Variants in C6orf132 observed in about 807,000 individuals in gnomAD.
The protein encoded by C6orf132 is chromosome 6 open reading frame 132.
Under a neutral mutation model 65.3 loss-of-function variants are expected in C6orf132, and 43 were observed. That is an observed-to-expected ratio of 0.66 (90% CI 0.52 to 0.85). The LOEUF (loss-of-function observed/expected upper bound fraction) is 0.85. C6orf132 is among the 40% of genes least tolerant of loss of function. The probability of loss-of-function intolerance (pLI) is 0.00; values close to 1 mark genes in which losing one functional copy is unlikely to be tolerated. For missense variants in C6orf132, 1,488 were observed against 1,548.8 expected (o/e 0.96, Z 0.66); for synonymous variants, 631 against 654.1 (o/e 0.96, Z 0.54).
chr6:42,119,614 TGAG>T (rs1291994021), intron 2 of C6orf132, among the ~76,000 whole-genome samples: 1 of 151,814 alleles, frequency 6.6e-6, no homozygotes, highest in Admixed American at 6.5e-5. Context: ...CCCAAAGTGC[TGAG>T]ATTACAGGCG....
In C6orf132 at chr6:42,136,869, C is replaced by T. The variant is rs150224402; in HGVS notation, c.145+5431G>A. Among the ~76,000 whole-genome samples, 644 of 152,040 alleles carry T rather than the reference C, an allele frequency of 4.2e-3. 8 individuals are homozygous for T. Among genetic ancestry groups the T allele is most frequent in the African/African-American group, 0.015 (623 of 41,514 alleles). On this transcript the variant is annotated intron_variant, in intron 1 of 4. Coordinates refer to ENST00000341865, the MANE Select transcript of C6orf132 (RefSeq NM_001164446.3). ...AAAGTAGAGGAGGACGGAACAGAAA[C>T]GGAACAGAATGGCGCCGCCCCCCCA...
At chr6:42,142,218 C>A (rs1767046265) in intron 1 of C6orf132, 82 bp downstream of exon 1, 1 of 1,442,698 alleles carries the variant, frequency 6.9e-7, no homozygotes, top group South Asian at 1.3e-5. Context: ...CTCCCCTCCG[C>A]GCCTCCAGGA....
chr6:42,119,066 C>CAA (rs1160587167), intron 2 of C6orf132, among the ~76,000 whole-genome samples: 22 of 54,768 alleles, frequency 4.0e-4, no homozygotes, highest in East Asian at 6.0e-4. Context: ...CCTGTCTCTA[C>CAA]AAAAAAAAAA....
rs1302320212 is a variant in C6orf132, at chr6:42,104,392, C to T, written c.3449+71G>A. 2.0e-5 allele frequency: 25 copies of T among 1,226,814 alleles called. No homozygotes were observed. Among genetic ancestry groups the T allele is most frequent in the Non-Finnish European group, 2.5e-5 (25 of 985,200 alleles). 76.0% of individuals were successfully genotyped at this position (1,226,814 alleles called of 1,614,324 possible). On this transcript the variant is annotated intron_variant, in intron 4 of 4. Transcript: ENST00000341865. The surrounding 1 kb of genome is among the most constrained non-coding windows in gnomAD (Gnocchi z 4.1). ...CAAATGTTTTCTCTTGACGGATGGC[C>T]GGGACTCCTTGGCCCTCGCCTGGCT...
intron 2 of C6orf132, among the ~76,000 whole-genome samples, chr6:42,115,633 G>C (rs934950776): frequency 2.6e-5 from 4 of 152,084 alleles, no homozygotes; most frequent in Admixed American, 6.5e-5. Flanking sequence ...GCGACAGAGC[G>C]AGACTCCGTC....
intron 2 of C6orf132, among the ~76,000 whole-genome samples, chr6:42,111,473 G>A (rs1003705732): frequency 1.6e-4 from 25 of 151,988 alleles, no homozygotes; most frequent in African/African-American, 4.8e-4. Flanking sequence ...TAGTAGAGAC[G>A]GGGTTTCACC....
Position 42,103,777 on chromosome 6 carries a change from C to A in C6orf132, c.3551G>T (p.Arg1184Leu), listed in dbSNP as rs1002239130. 2 of 1,426,184 alleles carry A rather than the reference C, an allele frequency of 1.4e-6. No homozygotes were observed. Among genetic ancestry groups the A allele is most frequent in the Admixed American group, 2.8e-5 (1 of 36,144 alleles). The allele number at this position is 1,426,184 out of a possible 1,614,324, so 88.3% of individuals were successfully genotyped here. The change falls in exon 5 of 5, where the codon CGG (arginine) becomes CTG (leucine). Residue 1184 changes from arginine (R) to leucine (L), a missense_variant. By Grantham distance (102) the Arg-to-Leu change is moderately radical. Transcript: ENST00000341865. ...PISYVCSGAH[R>L]KATS Reference sequence around the variant, plus strand: ...ACCCCTGGCTCAGGAGGTGGCTTTCCGATGGGCCCCTGAGCAGACATAGGA... The same window carrying A: ...ACCCCTGGCTCAGGAGGTGGCTTTCAGATGGGCCCCTGAGCAGACATAGGA...
chr6:42,114,524 C>T (rs1427435208), intron 2 of C6orf132, among the ~76,000 whole-genome samples: 1 of 152,172 alleles, frequency 6.6e-6, no homozygotes, highest in Non-Finnish European at 1.5e-5. Flanking sequence ...AATCTTAGTC[C>T]CATAAAAACA....
At chr6:42,123,389 A>AC (rs1440314426) in intron 2 of C6orf132, among the ~76,000 whole-genome samples, 104 of 151,492 alleles carry the variant, frequency 6.9e-4, no homozygotes, top group Non-Finnish European at 1.1e-3. Flanking sequence ...TCTCAAAAAA[A>AC]AAAACAAAAC....
chr6:42,110,538 T>C (rs1302446720), intron 2 of C6orf132, among the ~76,000 whole-genome samples: 1 of 152,230 alleles, frequency 6.6e-6, no homozygotes, highest in Non-Finnish European at 1.5e-5. Flanking sequence ...TATTAGTAAA[T>C]ACTGACCCGT....
At chr6:42,136,056 T>C (rs747343097) in intron 1 of C6orf132, among the ~76,000 whole-genome samples, 3 of 151,600 alleles carry the variant, frequency 2.0e-5, no homozygotes, top group African/African-American at 7.3e-5. Flanking sequence ...GGCACATGTA[T>C]ACATATGTAA....
chr6:42,111,278 A>ATTTTT (rs61241413), intron 2 of C6orf132, among the ~76,000 whole-genome samples: 3 of 119,970 alleles, frequency 2.5e-5, no homozygotes, highest in African/African-American at 7.1e-5. Flanking sequence ...TTCCTGGCTA[A>ATTTTT]TTTTTTTTTT....
In C6orf132 at chr6:42,124,928, C is replaced by T. The variant is rs1419438964; in HGVS notation, c.252+3744G>A. ...CCTGAGTGAGGAGCACAGAAGAGTC[C>T]CTGTGATGTGGGCCACTGGGCCAAG... On this transcript the variant is annotated intron_variant, in intron 2 of 4. Transcript: ENST00000341865. The surrounding 1 kb of genome is among the most constrained non-coding windows in gnomAD (Gnocchi z 4.0). Among the ~76,000 whole-genome samples, 1 of 152,160 alleles carries T rather than the reference C, an allele frequency of 6.6e-6. No homozygotes were observed. Among genetic ancestry groups the T allele is most frequent in the Non-Finnish European group, 1.5e-5 (1 of 68,044 alleles).
At chr6:42,115,977 T>C (rs1366633183) in intron 2 of C6orf132, among the ~76,000 whole-genome samples, 1 of 146,164 alleles carries the variant, frequency 6.8e-6, no homozygotes, top group African/African-American at 2.6e-5. Flanking sequence ...TCGCCCAGGC[T>C]GGAGTGCAGT....
intron 1 of C6orf132, among the ~76,000 whole-genome samples, chr6:42,129,391 C>T (rs1490968109): frequency 6.6e-6 from 1 of 152,218 alleles, no homozygotes; most frequent in Non-Finnish European, 1.5e-5. Flanking sequence ...AAAATCCCAG[C>T]TCTGCCACTG....
rs368497113 is a variant in C6orf132, at chr6:42,126,887, C to T, written c.252+1785G>A. On this transcript the variant is annotated intron_variant, in intron 2 of 4. Coordinates refer to ENST00000341865, the MANE Select transcript of C6orf132 (RefSeq NM_001164446.3). Reference sequence around the variant, plus strand: ...AGAATATTTCAAACAATTTTATCTGCATTTATGGGTGCAATCACTTCTATC... The same window carrying T: ...AGAATATTTCAAACAATTTTATCTGTATTTATGGGTGCAATCACTTCTATC... 1.8e-3 allele frequency: 768 copies of T among 421,492 alleles called. 17 individuals carry two copies. The South Asian group carries it at 0.033, about 18-fold the overall frequency. 26.1% of individuals were successfully genotyped at this position (421,492 alleles called of 1,614,324 possible).
chr6:42,130,390 C>T (rs2127478827), intron 1 of C6orf132, among the ~76,000 whole-genome samples: 1 of 152,310 alleles, frequency 6.6e-6, no homozygotes, highest in East Asian at 1.9e-4. Flanking sequence ...ACCACGAAAG[C>T]CCCCAATTCC....
chr6:42,138,092 A>C (rs1207310559), intron 1 of C6orf132, among the ~76,000 whole-genome samples: 1 of 152,128 alleles, frequency 6.6e-6, no homozygotes, highest in East Asian at 1.9e-4. Flanking sequence ...TAGCCCAGAG[A>C]TTCTGACTTC....
At chr6:42,120,753 T>G (rs969209184) in intron 2 of C6orf132, among the ~76,000 whole-genome samples, 1 of 151,746 alleles carries the variant, frequency 6.6e-6, no homozygotes, top group Non-Finnish European at 1.5e-5. Flanking sequence ...ACCTGAATAC[T>G]TAGGACTACA....
Sources: allele counts gnomAD v4.1 joint callset (sites outside exome capture counted in the v4.1 genomes callset), GRCh38; gene constraint gnomAD v4.1.1; non-coding constraint Gnocchi (gnomAD v3.1); transcripts MANE v1.5; gene names NCBI Gene and HGNC (gene_info 2026-07-23, HGNC 2026-07-21).